The following DDHD1 variants were observed in gnomAD, a reference collection of about 807,000 sequenced individuals.
DDHD1 encodes the protein phospholipase DDHD1.
A neutral mutation model predicts 96.4 loss-of-function variants in DDHD1; 49 were observed. The ratio of observed to expected loss-of-function variants is 0.51; its 90% CI spans 0.40 to 0.64. The LOEUF (loss-of-function observed/expected upper bound fraction) is 0.64, where lower values mean the gene tolerates loss of function less well. Ranked by LOEUF, DDHD1 falls within the 30% of genes least tolerant of loss-of-function variation. DDHD1 has a pLI of 0.00. For missense variants in DDHD1, 1,106 were observed against 1,161.2 expected, an observed-to-expected ratio of 0.95 and a Z score of 0.69; for synonymous variants, 442 against 446.5, an observed-to-expected ratio of 0.99 and a Z score of 0.13.
intron 1 of DDHD1, among the ~76,000 whole-genome samples, chr14:53,138,776 C>T (rs1030936482): frequency 6.6e-6 from 1 of 152,158 alleles, no homozygotes; most frequent in African/African-American, 2.4e-5. Flanking sequence ...GAGTATAAAA[C>T]TGCTGGGGCT....
intron 1 of DDHD1, among the ~76,000 whole-genome samples, chr14:53,145,107 G>A (rs1890886050): frequency 1.3e-5 from 2 of 152,002 alleles, no homozygotes; most frequent in Admixed American, 6.6e-5. Flanking sequence ...CCGAGATGGC[G>A]CCACTGCACT....
At chr14:53,066,758 G>A (rs2139887315) in intron 6 of DDHD1, among the ~76,000 whole-genome samples, 1 of 152,212 alleles carries the variant, frequency 6.6e-6, no homozygotes, top group South Asian at 2.1e-4. Context: ...CTTGAAGTCA[G>A]GAGTTCAAGA....
rs1178403379 is a variant in DDHD1 at position 53,100,752 on chromosome 14, A to T, written c.1012+2931T>A. Among the ~76,000 whole-genome samples the T allele has an allele frequency of 2.0e-5, 3 of 152,262 alleles. No homozygotes were observed. In the East Asian group the frequency reaches 5.8e-4, roughly 29 times the overall value. Reference sequence around the variant, plus strand: ...TAGTTTCTTTGATATTCCCTAGAGCATTTAATAAACATCCCTGAATATAGT... The same window carrying T: ...TAGTTTCTTTGATATTCCCTAGAGCTTTTAATAAACATCCCTGAATATAGT... On this transcript the variant is annotated intron_variant, in intron 2 of 12. Coordinates refer to ENST00000673822, the MANE Select transcript of DDHD1 (RefSeq NM_001160148.2).
chr14:53,054,422 T>G lies in DDHD1; in HGVS notation c.2437+16A>C, dbSNP rs897693809. On this transcript the variant is annotated intron_variant, in intron 11 of 12. Transcript: ENST00000673822. ...AAGATACAGTATCAACTTAAGGAAATAATGTATGAACTAACATGCAGAATC... is the reference window on the plus strand; with the variant it reads ...AAGATACAGTATCAACTTAAGGAAAGAATGTATGAACTAACATGCAGAATC... 1 of 1,609,140 alleles carries G rather than the reference T, an allele frequency of 6.2e-7. No individual in the cohort carries two copies. Among genetic ancestry groups the G allele is most frequent in the African/African-American group, 1.3e-5 (1 of 74,906 alleles).
chr14:53,058,598 G>C lies in DDHD1; in HGVS notation c.1871C>G (p.Pro624Arg), dbSNP rs765618537. ...ACGCAACGCCAAGAAAACTGCTAAT[G>C]GGGATCCCATACAGAAGAAATTCTC... ...KVENFFCMGS[P>R]LAVFLALRGI... The change falls in exon 9 of 13, where the codon CCA (proline) becomes CGA (arginine). Residue 624 changes from proline (P) to arginine (R), a missense_variant. This residue lies in a region of DDHD1 where 650 missense variants were observed against 758.8 expected (regional missense o/e 0.86). Transcript: ENST00000673822. The C allele has an allele frequency of 6.2e-7, 1 of 1,612,982 alleles. No individual in the cohort carries two copies. The highest frequency in any genetic ancestry group is 8.5e-7 in the Non-Finnish European group (1 of 1,179,606).
intron 12 of DDHD1, among the ~76,000 whole-genome samples, chr14:53,050,440 T>C (rs1882438224): frequency 6.6e-6 from 1 of 152,126 alleles, no homozygotes. Context: ...CATTCATTTC[T>C]TTGTATGAAT....
At chr14:53,085,708 A>G (rs1190766640) in intron 4 of DDHD1, among the ~76,000 whole-genome samples, 1 of 152,206 alleles carries the variant, frequency 6.6e-6, no homozygotes, top group Non-Finnish European at 1.5e-5. Flanking sequence ...ACAGCAGAAA[A>G]GCTGAAAATT....
At chr14:53,057,666 C>G (rs1458433463) in intron 9 of DDHD1, among the ~76,000 whole-genome samples, 2 of 152,152 alleles carry the variant, frequency 1.3e-5, no homozygotes, top group African/African-American at 4.8e-5. Flanking sequence ...AGACTCCTGT[C>G]TCTTGTACTA....
chr14:53,081,202 T>C (rs1459733641), intron 4 of DDHD1, among the ~76,000 whole-genome samples: 1 of 152,234 alleles, frequency 6.6e-6, no homozygotes, highest in Admixed American at 6.5e-5. Context: ...ATTTCTTTAT[T>C]ATCCACAAAG....
At chr14:53,073,204 T>C (rs936524073) in intron 5 of DDHD1, among the ~76,000 whole-genome samples, 1 of 152,070 alleles carries the variant, frequency 6.6e-6, no homozygotes, top group African/African-American at 2.4e-5. Context: ...ATGACAGCTC[T>C]TTAAGGAAGA....
chr14:53,146,769 A>G (rs1891012737), intron 1 of DDHD1, among the ~76,000 whole-genome samples: 1 of 152,088 alleles, frequency 6.6e-6, no homozygotes, highest in Non-Finnish European at 1.5e-5. Flanking sequence ...TATGGGTACG[A>G]TTTTTCTTTA....
At chr14:53,071,529 A>T (rs1350047603) in intron 6 of DDHD1, among the ~76,000 whole-genome samples, 1 of 152,124 alleles carries the variant, frequency 6.6e-6, no homozygotes, top group African/African-American at 2.4e-5. Flanking sequence ...CTCAATAAAC[A>T]AATTTTCAAT....
chr14:53,152,860 A>G lies in DDHD1; in HGVS notation c.239T>C (p.Leu80Pro). Residue 80 changes from leucine (L) to proline (P), a missense_variant, in exon 1 of 13, where the codon CTG becomes CCG. Physicochemically the swap from Leu to Pro is moderately conservative, Grantham distance 98. Coordinates refer to ENST00000673822, the MANE Select transcript of DDHD1 (RefSeq NM_001160148.2). Reference sequence around the variant, plus strand: ...GTTCTCGTCACTGAGGCAGGGGTCCAGCGCGAGGTGGTGGTTGTGGTCGTC... The same window carrying G: ...GTTCTCGTCACTGAGGCAGGGGTCCGGCGCGAGGTGGTGGTTGTGGTCGTC... ...GTDDHNHHLA[L>P]DPCLSDENYD... 1.2e-6 allele frequency: 2 copies of G among 1,611,384 alleles called. No individual in the cohort carries two copies. Among genetic ancestry groups the G allele is most frequent in the Non-Finnish European group, 1.7e-6 (2 of 1,179,060 alleles).
At chr14:53,122,743 A>G (rs1389794611) in intron 1 of DDHD1, among the ~76,000 whole-genome samples, 1 of 150,600 alleles carries the variant, frequency 6.6e-6, no homozygotes, top group Non-Finnish European at 1.5e-5. Flanking sequence ...TTTAATTTTT[A>G]TTTTTAGCAG....
In DDHD1 at chr14:53,097,791, G is replaced by C. The variant is rs540937048; in HGVS notation, c.1013-4347C>G. On this transcript the variant is annotated intron_variant, in intron 2 of 12. Transcript: ENST00000673822. Reference sequence around the variant, plus strand: ...AGCTAGCCAAGATACACAAATGAAGGCTTTCTTTTCTAAAAGAATAGTATA... The same window carrying C: ...AGCTAGCCAAGATACACAAATGAAGCCTTTCTTTTCTAAAAGAATAGTATA... Among the ~76,000 whole-genome samples, 11 of 151,860 alleles carry C rather than the reference G, an allele frequency of 7.2e-5. No individual in the cohort carries two copies. In the East Asian group the frequency reaches 2.1e-3, roughly 29 times the overall value.
chr14:53,074,423 T>C (rs1056749587), intron 4 of DDHD1, among the ~76,000 whole-genome samples: 3 of 151,750 alleles, frequency 2.0e-5, no homozygotes, highest in African/African-American at 7.2e-5. Context: ...CTCCCCCATA[T>C]TTAAAAGCAA....
At position 53,116,891 on chromosome 14, in the gene DDHD1, C is replaced by CA. The variant is rs1359857474; in HGVS notation, c.839-13036dup. On this transcript the variant is annotated intron_variant, in intron 1 of 12. Coordinates refer to ENST00000673822, the MANE Select transcript of DDHD1 (RefSeq NM_001160148.2). ...GCAGAACTAAAGGAGATAGAGGACACAAAAAACCTTTCAAAAAATCAATGA... is the reference window on the plus strand; with the variant it reads ...GCAGAACTAAAGGAGATAGAGGACACAAAAAAACCTTTCAAAAAATCAATGA... Among the ~76,000 whole-genome samples, 7 of 152,036 alleles carry CA rather than the reference C, an allele frequency of 4.6e-5. No individual in the cohort carries two copies. In the South Asian group the frequency reaches 1.2e-3, roughly 27 times the overall value.
chr14:53,116,520 A>G (rs1203253984), intron 1 of DDHD1, among the ~76,000 whole-genome samples: 2 of 152,168 alleles, frequency 1.3e-5, no homozygotes, highest in African/African-American at 4.8e-5. Context: ...CATAACAAAC[A>G]GTCTCTCAGA....
intron 1 of DDHD1, among the ~76,000 whole-genome samples, chr14:53,106,822 A>T (rs895077814): frequency 6.6e-6 from 1 of 152,164 alleles, no homozygotes; most frequent in South Asian, 2.1e-4. Flanking sequence ...GGGCCTTTTA[A>T]TATGTAAAAT....
Sources: gnomAD v4.1 joint callset for allele counts (sites outside exome capture counted in the v4.1 genomes callset) on GRCh38, gnomAD v4.1.1 for gene constraint, gnomAD v4.1.1 regional missense constraint, MANE v1.5 for transcripts, NCBI Gene and HGNC (gene_info 2026-07-23, HGNC 2026-07-21) for gene names.